Variants in SPIDR observed in about 807,000 individuals in gnomAD.
SPIDR encodes DNA repair-scaffolding protein.
A neutral mutation model predicts 104.6 loss-of-function variants in SPIDR; 93 were observed. The observed-to-expected ratio is 0.89, with a 90% confidence interval of 0.75 to 1.06. The LOEUF (loss-of-function observed/expected upper bound fraction) is 1.06. SPIDR is among the 50% of genes least tolerant of loss of function. The pLI is 0.00. For missense variants in SPIDR, 1,154 were observed against 1,111.2 expected (o/e 1.04, Z -0.55); for synonymous variants, 431 against 416.9 (o/e 1.03, Z -0.41).
At chr8:47,349,632 G>C (rs1005113620) in intron 5 of SPIDR, among the ~76,000 whole-genome samples, 3 of 152,178 alleles carry the variant, frequency 2.0e-5, no homozygotes, top group African/African-American at 7.2e-5. Context: ...CAGCCAGTTC[G>C]AGCTTCCTGG....
intron 8 of SPIDR, among the ~76,000 whole-genome samples, chr8:47,475,592 G>T (rs955890069): frequency 6.6e-6 from 1 of 152,144 alleles, no homozygotes; most frequent in African/African-American, 2.4e-5. Context: ...AGCCTTGTAT[G>T]TACCTAAGCA....
At chr8:47,637,475 T>C (rs1329398076) in intron 10 of SPIDR, among the ~76,000 whole-genome samples, 1 of 151,870 alleles carries the variant, frequency 6.6e-6, no homozygotes. Flanking sequence ...GAGGCTGAGG[T>C]GGGAGAATTG....
chr8:47,532,690 G>A (rs1447648362), intron 8 of SPIDR, among the ~76,000 whole-genome samples: 1 of 152,144 alleles, frequency 6.6e-6, no homozygotes, highest in Non-Finnish European at 1.5e-5. Flanking sequence ...ATTACAGCTG[G>A]AGACTTCAAC....
intron 5 of SPIDR, among the ~76,000 whole-genome samples, chr8:47,334,874 T>G (rs1381775569): frequency 6.6e-6 from 1 of 152,194 alleles, no homozygotes; most frequent in African/African-American, 2.4e-5. Context: ...TCTATTTTTT[T>G]CTCATTTTCT....
chr8:47,362,451 A>T (rs1191799800), intron 5 of SPIDR, among the ~76,000 whole-genome samples: 1 of 151,994 alleles, frequency 6.6e-6, no homozygotes, highest in Non-Finnish European at 1.5e-5. Flanking sequence ...CATCTCCAGC[A>T]TTTCCTCCCC....
chr8:47,334,176 A>G (rs1342338356), intron 5 of SPIDR, among the ~76,000 whole-genome samples: 1 of 152,174 alleles, frequency 6.6e-6, no homozygotes, highest in Non-Finnish European at 1.5e-5. Flanking sequence ...GTTAACATGT[A>G]TTTTATGGCC....
At chr8:47,671,924 G>T (rs192548552) in intron 10 of SPIDR, among the ~76,000 whole-genome samples, 1 of 151,960 alleles carries the variant, frequency 6.6e-6, no homozygotes, top group Non-Finnish European at 1.5e-5. Flanking sequence ...TTTCCATTTC[G>T]TTGTCTTGCT....
intron 5 of SPIDR, among the ~76,000 whole-genome samples, chr8:47,329,670 G>T (rs2048327517): frequency 6.6e-6 from 1 of 151,902 alleles, no homozygotes; most frequent in Non-Finnish European, 1.5e-5. Flanking sequence ...TGCTATTATT[G>T]TTATACATAT....
intron 8 of SPIDR, among the ~76,000 whole-genome samples, chr8:47,449,066 G>A (rs551848172): frequency 6.6e-6 from 1 of 152,278 alleles, no homozygotes; most frequent in South Asian, 2.1e-4. Context: ...ATGCATCTCG[G>A]AGGCTGTGGG....
intron 8 of SPIDR, among the ~76,000 whole-genome samples, chr8:47,530,168 A>G (rs1421782905): frequency 2.6e-5 from 4 of 152,208 alleles, no homozygotes; most frequent in African/African-American, 9.6e-5. Flanking sequence ...AATGATAAAT[A>G]TTTGTGTGTC....
intron 10 of SPIDR, among the ~76,000 whole-genome samples, chr8:47,664,687 C>G (rs999961110): frequency 8.6e-5 from 12 of 140,320 alleles, no homozygotes; most frequent in Middle Eastern, 3.8e-3. Context: ...GCTAGTGGAT[C>G]ACTTCAGCTC....
intron 8 of SPIDR, among the ~76,000 whole-genome samples, chr8:47,538,508 C>A (rs982369456): frequency 6.6e-6 from 1 of 152,090 alleles, no homozygotes; most frequent in African/African-American, 2.4e-5. Flanking sequence ...CATGCCACTG[C>A]ACCCCAACCT....
chr8:47,418,305 G>C (rs989615845), intron 7 of SPIDR, among the ~76,000 whole-genome samples: 1 of 152,138 alleles, frequency 6.6e-6, no homozygotes, highest in Non-Finnish European at 1.5e-5. Flanking sequence ...TTGTTGAGCA[G>C]TGGTTTGTAG....
At chr8:47,635,940 G>A (rs998284544) in intron 10 of SPIDR, among the ~76,000 whole-genome samples, 1 of 152,168 alleles carries the variant, frequency 6.6e-6, no homozygotes, top group African/African-American at 2.4e-5. Context: ...GAGAACTTTA[G>A]TCAGAAAAGC....
chr8:47,706,635 G>A (rs890447623), intron 14 of SPIDR, among the ~76,000 whole-genome samples: 1 of 152,002 alleles, frequency 6.6e-6, no homozygotes, highest in Non-Finnish European at 1.5e-5. Flanking sequence ...TTCATCCCTA[G>A]CGCTGGCAAC....
intron 10 of SPIDR, among the ~76,000 whole-genome samples, chr8:47,644,831 GAGGGAGAGCTTCAAGGTGA>G (rs1413044776): frequency 6.6e-6 from 1 of 152,216 alleles, no homozygotes; most frequent in African/African-American, 2.4e-5. Context: ...GGAAGCTGAA[GAGGGAGAGCTTCAAGGTGA>G]AACCTAACGG....
chr8:47,599,251 G>A, intron 10 of SPIDR, 55 bp downstream of exon 10: 1 of 1,589,588 alleles, frequency 6.3e-7, no homozygotes, highest in Non-Finnish European at 8.6e-7. Context: ...TAGACAGAGT[G>A]CTCTAGAAAG....
At chr8:47,415,407 G>T (rs187866049) in intron 7 of SPIDR, among the ~76,000 whole-genome samples, 14 of 152,196 alleles carry the variant, frequency 9.2e-5, no homozygotes, top group African/African-American at 3.4e-4. Context: ...AATTTTACAT[G>T]CATTTATTTC....
chr8:47,511,029 C>G (rs2082236670), intron 8 of SPIDR: 2 of 796,386 alleles, frequency 2.5e-6, no homozygotes, highest in African/African-American at 3.4e-5. Flanking sequence ...GCTGCCTGGG[C>G]AGTTAGGTTC....
Sources: gnomAD v4.1 joint callset for allele counts (sites outside exome capture counted in the v4.1 genomes callset) on GRCh38, gnomAD v4.1.1 for gene constraint, MANE v1.5 for transcripts, NCBI Gene and HGNC (gene_info 2026-07-23, HGNC 2026-07-21) for gene names.